The following SUPT3H variants were observed in gnomAD, a reference collection of about 807,000 sequenced individuals.
SUPT3H encodes transcription initiation protein SPT3 homolog.
In SUPT3H, 44 loss-of-function variants were observed where a neutral mutation model predicts 44.3. That is an observed-to-expected ratio of 0.99 (90% CI 0.78 to 1.28). The LOEUF is 1.28. Ranked by LOEUF, SUPT3H falls within the 50% of genes most tolerant of loss-of-function variation. The pLI is 0.00. For synonymous variants in SUPT3H, 124 were observed against 125.6 expected, an observed-to-expected ratio of 0.99 and a Z score of 0.09; for missense variants, 380 against 387.1, an observed-to-expected ratio of 0.98 and a Z score of 0.15.
At chr6:44,933,559 A>G (rs1456538226) in intron 9 of SUPT3H, among the ~76,000 whole-genome samples, 48 of 152,214 alleles carry the variant, frequency 3.2e-4, no homozygotes, top group Admixed American at 3.1e-3. Flanking sequence ...TGGGAAAACA[A>G]TTATAATTGC....
At chr6:45,356,681 A>T (rs925422172) in intron 2 of SUPT3H, among the ~76,000 whole-genome samples, 2 of 152,108 alleles carry the variant, frequency 1.3e-5, no homozygotes, top group Non-Finnish European at 2.9e-5. Context: ...CTGGGATTAT[A>T]GGTGTGAGCC....
intron 2 of SUPT3H, among the ~76,000 whole-genome samples, chr6:45,166,691 C>T (rs1250955909): frequency 1.3e-5 from 2 of 151,404 alleles, no homozygotes; most frequent in African/African-American, 4.9e-5. Context: ...AAGCAAAATC[C>T]CCAAAAATAA....
At chr6:45,319,837 T>C (rs1735642683) in intron 2 of SUPT3H, among the ~76,000 whole-genome samples, 1 of 152,202 alleles carries the variant, frequency 6.6e-6, no homozygotes, top group South Asian at 2.1e-4. Context: ...TCTGCTAAAA[T>C]ATTTCATGCT....
chr6:45,208,428 C>CA (rs1763543503), intron 2 of SUPT3H, among the ~76,000 whole-genome samples: 1 of 151,992 alleles, frequency 6.6e-6, no homozygotes, highest in Non-Finnish European at 1.5e-5. Flanking sequence ...GATGGCTATA[C>CA]AAAAAAAGAG....
chr6:45,145,499 C>T (rs1297331164), intron 2 of SUPT3H, among the ~76,000 whole-genome samples: 1 of 152,068 alleles, frequency 6.6e-6, no homozygotes, highest in Non-Finnish European at 1.5e-5. Flanking sequence ...TCATCTTTCA[C>T]CTTATACAAA....
chr6:44,890,323 G>A (rs1481185644), intron 10 of SUPT3H, among the ~76,000 whole-genome samples: 2 of 150,882 alleles, frequency 1.3e-5, no homozygotes, highest in Non-Finnish European at 2.9e-5. Flanking sequence ...TGTTTATTGC[G>A]GCATTATTCA....
At chr6:44,926,947 T>C (rs1769607046) in intron 10 of SUPT3H, among the ~76,000 whole-genome samples, 1 of 152,192 alleles carries the variant, frequency 6.6e-6, no homozygotes, top group Non-Finnish European at 1.5e-5. Flanking sequence ...AAGAATTATT[T>C]TGGTAAGATT....
At chr6:45,348,876 C>A (rs898455353) in intron 2 of SUPT3H, among the ~76,000 whole-genome samples, 1 of 152,102 alleles carries the variant, frequency 6.6e-6, no homozygotes, top group South Asian at 2.1e-4. Flanking sequence ...GGCTTTAGTT[C>A]CCCCATTACA....
At chr6:45,017,429 G>C (rs1339302685) in intron 4 of SUPT3H, among the ~76,000 whole-genome samples, 2 of 151,414 alleles carry the variant, frequency 1.3e-5, no homozygotes, top group African/African-American at 4.8e-5. Context: ...CCATGCCTAT[G>C]TCCTGAATGG....
chr6:45,294,910 C>T (rs542945864), intron 2 of SUPT3H, among the ~76,000 whole-genome samples: 40 of 152,090 alleles, frequency 2.6e-4, no homozygotes, highest in African/African-American at 8.7e-4. Context: ...GTGAAAATGA[C>T]CATACTGCCA....
chr6:45,376,706 A>C (rs1468513909), intron 1 of SUPT3H, among the ~76,000 whole-genome samples: 2 of 152,240 alleles, frequency 1.3e-5, no homozygotes, highest in Non-Finnish European at 2.9e-5. Flanking sequence ...TGTTTCTCAT[A>C]GGCAAATTCA....
At chr6:45,041,184 T>C (rs1311189900) in intron 3 of SUPT3H, among the ~76,000 whole-genome samples, 2 of 152,098 alleles carry the variant, frequency 1.3e-5, no homozygotes, top group African/African-American at 4.8e-5. Flanking sequence ...AATAAATAAA[T>C]GAAATATTTA....
chr6:44,951,039 C>T (rs995995305), intron 9 of SUPT3H, among the ~76,000 whole-genome samples: 3 of 151,904 alleles, frequency 2.0e-5, no homozygotes, highest in Admixed American at 6.6e-5. Flanking sequence ...ATTTTCTAAT[C>T]CAAATGCCTA....
chr6:45,010,540 A>C (rs1325232044), intron 5 of SUPT3H, among the ~76,000 whole-genome samples: 1 of 152,144 alleles, frequency 6.6e-6, no homozygotes, highest in African/African-American at 2.4e-5. Flanking sequence ...CTTAAACAAC[A>C]AACATTTATT....
At chr6:45,025,990 T>C (rs1430995210) in intron 3 of SUPT3H, among the ~76,000 whole-genome samples, 1 of 152,218 alleles carries the variant, frequency 6.6e-6, no homozygotes, top group Admixed American at 6.5e-5. Context: ...TTCTTTTAGG[T>C]TTTGCCTAAG....
At chr6:44,996,679 C>T (rs1185861308) in intron 6 of SUPT3H, among the ~76,000 whole-genome samples, 1 of 151,828 alleles carries the variant, frequency 6.6e-6, no homozygotes, top group African/African-American at 2.4e-5. Context: ...TCCCTACTCC[C>T]ACAGTGTATT....
chr6:45,210,554 G>A (rs1763924140), intron 2 of SUPT3H, among the ~76,000 whole-genome samples: 1 of 152,118 alleles, frequency 6.6e-6, no homozygotes. Context: ...CAGAACTAAT[G>A]TATATCTTAC....
At chr6:44,831,024 T>C (rs183858862) in intron 10 of SUPT3H, among the ~76,000 whole-genome samples, 139 of 152,282 alleles carry the variant, frequency 9.1e-4, no homozygotes, top group Non-Finnish European at 1.6e-3. Context: ...TTAACCCTTT[T>C]AGAAAGACTT....
At chr6:45,226,937 C>T (rs1336304114) in intron 2 of SUPT3H, among the ~76,000 whole-genome samples, 1 of 151,904 alleles carries the variant, frequency 6.6e-6, no homozygotes, top group Non-Finnish European at 1.5e-5. Context: ...TTCGAGGTTA[C>T]AGTGAGCTAC....
Sources: allele counts gnomAD v4.1 joint callset (sites outside exome capture counted in the v4.1 genomes callset), GRCh38; gene constraint gnomAD v4.1.1; transcripts MANE v1.5; gene names NCBI Gene and HGNC (gene_info 2026-07-23, HGNC 2026-07-21).